Variants in ADARB2 observed in about 807,000 individuals in gnomAD.
ADARB2 encodes the protein inactive double-stranded RNA-specific editase B2.
A neutral mutation model predicts 62.2 loss-of-function variants in ADARB2; 25 were observed. The ratio of observed to expected loss-of-function variants is 0.40; its 90% confidence interval spans 0.29 to 0.56. The LOEUF is 0.56. Among genes scored for constraint, ADARB2 ranks in the 20% least tolerant of loss-of-function variants. The pLI is 0.43. For synonymous variants in ADARB2, 572 were observed against 500.8 expected, an observed-to-expected ratio of 1.14 and a Z score of -1.90; for missense variants, 1,071 against 1,077.4, an observed-to-expected ratio of 0.99 and a Z score of 0.08.
intron 1 of ADARB2, among the ~76,000 whole-genome samples, chr10:1,489,420 C>T (rs983078779): frequency 5.9e-5 from 9 of 152,194 alleles, no homozygotes; most frequent in African/African-American, 2.2e-4. Context: ...CTACCCAAGT[C>T]GTCTGGTCAC....
intron 1 of ADARB2, among the ~76,000 whole-genome samples, chr10:1,516,145 T>C (rs1301684905): frequency 6.6e-6 from 1 of 152,212 alleles, no homozygotes; most frequent in African/African-American, 2.4e-5. Flanking sequence ...ACCGGGGTGC[T>C]CTGACCCTCT....
At chr10:1,527,214 A>G (rs1336965007) in intron 1 of ADARB2, among the ~76,000 whole-genome samples, 2 of 152,160 alleles carry the variant, frequency 1.3e-5, no homozygotes, top group African/African-American at 4.8e-5. Flanking sequence ...CTCACTTCCA[A>G]TTCCTTGTGG....
chr10:1,706,769 G>C (rs908952880), intron 1 of ADARB2, among the ~76,000 whole-genome samples: 2 of 152,168 alleles, frequency 1.3e-5, no homozygotes, highest in Non-Finnish European at 2.9e-5. Flanking sequence ...AACACACATT[G>C]ACGTGCTAAT....
intron 1 of ADARB2, among the ~76,000 whole-genome samples, chr10:1,498,388 A>AAATAAATAAATC (rs1309398024): frequency 6.6e-6 from 1 of 151,166 alleles, no homozygotes; most frequent in Non-Finnish European, 1.5e-5. Context: ...ATAAATAAAT[A>AAATAAATAAATC]AATAAATAAA....
chr10:1,533,086 C>A (rs1370161888), intron 1 of ADARB2, among the ~76,000 whole-genome samples: 1 of 151,072 alleles, frequency 6.6e-6, no homozygotes, highest in Non-Finnish European at 1.5e-5. Flanking sequence ...GAGTAACGAG[C>A]CAGCTGATTA....
intron 1 of ADARB2, among the ~76,000 whole-genome samples, chr10:1,716,891 C>A (rs1407719643): frequency 6.6e-6 from 1 of 152,114 alleles, no homozygotes; most frequent in Non-Finnish European, 1.5e-5. Context: ...TTACATATAC[C>A]TTGAATAACA....
At chr10:1,654,905 A>C (rs1024579164) in intron 1 of ADARB2, among the ~76,000 whole-genome samples, 1 of 152,202 alleles carries the variant, frequency 6.6e-6, no homozygotes, top group African/African-American at 2.4e-5. Context: ...CCTGTGATGA[A>C]ATGCTCAGTT....
intron 8 of ADARB2, among the ~76,000 whole-genome samples, chr10:1,198,633 C>T (rs966340538): frequency 2.6e-5 from 4 of 152,236 alleles, no homozygotes; most frequent in South Asian, 4.1e-4. Context: ...TGGCAGGTGC[C>T]ACCTGGGATC....
intron 7 of ADARB2, among the ~76,000 whole-genome samples, chr10:1,208,741 T>G (rs1027205095): frequency 2.0e-5 from 3 of 152,230 alleles, no homozygotes; most frequent in African/African-American, 7.2e-5. Flanking sequence ...TCGTGTTTGC[T>G]GAGCCCCTGA....
rs531884360 is a variant in ADARB2, at chr10:1,529,599, T to G, written c.101-150439A>C. On this transcript the variant is annotated intron_variant, in intron 1 of 9. Transcript: ENST00000381312. The stretch of plus-strand genomic sequence containing the variant: ...ATAGTTTTCCCCTCACCGACACCCT[T>G]ATCACCAGATTCTAAACATTTTCAA... Among the ~76,000 whole-genome samples the G allele has an allele frequency of 1.4e-4, 21 of 152,308 alleles. 1 individual carries two copies. In the South Asian group the frequency reaches 4.1e-3, roughly 30 times the overall value.
chr10:1,232,740 A>T (rs1217652004), intron 6 of ADARB2, among the ~76,000 whole-genome samples: 13 of 150,960 alleles, frequency 8.6e-5, no homozygotes, highest in South Asian at 6.3e-4. Context: ...ATGTGACATG[A>T]GTAGTGTATG....
chr10:1,493,582 T>C lies in ADARB2; in HGVS notation c.101-114422A>G, dbSNP rs140011134. On this transcript the variant is annotated intron_variant, in intron 1 of 9. Transcript: ENST00000381312. Reference sequence around the variant, plus strand: ...CTCCGAACCTATTTCCTCAATTAATTAATTCTTTCCTTAATTTACCAAGTG... The same window carrying C: ...CTCCGAACCTATTTCCTCAATTAATCAATTCTTTCCTTAATTTACCAAGTG... Among the ~76,000 whole-genome samples the C allele has an allele frequency of 3.6e-3, 555 of 152,282 alleles. 3 individuals are homozygous for C. Among genetic ancestry groups the C allele is most frequent in the Non-Finnish European group, 5.2e-3 (355 of 68,018 alleles).
At chr10:1,262,547 C>G (rs1174341216) in intron 4 of ADARB2, among the ~76,000 whole-genome samples, 1 of 140,236 alleles carries the variant, frequency 7.1e-6, no homozygotes, top group African/African-American at 2.5e-5. Flanking sequence ...CTCATCATCA[C>G]TGGCTATCAG....
chr10:1,642,649 T>G (rs1053654179), intron 1 of ADARB2, among the ~76,000 whole-genome samples: 2 of 152,124 alleles, frequency 1.3e-5, no homozygotes, highest in African/African-American at 4.8e-5. Flanking sequence ...ACCACAGGGC[T>G]TTCAAAATAG....
intron 1 of ADARB2, among the ~76,000 whole-genome samples, chr10:1,458,374 A>AG (rs11464636): frequency 0.67 from 101,655 of 151,972 alleles, 34,752 homozygotes; most frequent in Non-Finnish European, 0.75. Flanking sequence ...GGGGTCTCAC[A>AG]GCTTCTCTTT....
chr10:1,515,800 C>T (rs1832001643), intron 1 of ADARB2, among the ~76,000 whole-genome samples: 1 of 152,224 alleles, frequency 6.6e-6, no homozygotes. Flanking sequence ...CCGGCTGGCA[C>T]CTGCAGCAAT....
At chr10:1,634,635 T>A (rs1451985102) in intron 1 of ADARB2, among the ~76,000 whole-genome samples, 1 of 152,214 alleles carries the variant, frequency 6.6e-6, no homozygotes, top group Non-Finnish European at 1.5e-5. Context: ...ACTGAATTCA[T>A]GTTTATTATA....
At chr10:1,321,794 G>T (rs116847603) in intron 3 of ADARB2, among the ~76,000 whole-genome samples, 1 of 152,204 alleles carries the variant, frequency 6.6e-6, no homozygotes, top group Non-Finnish European at 1.5e-5. Context: ...GCATGGGTTG[G>T]TAAGCCCTGT....
intron 3 of ADARB2, among the ~76,000 whole-genome samples, chr10:1,349,622 C>A (rs1173968146): frequency 6.6e-6 from 1 of 152,186 alleles, no homozygotes; most frequent in African/African-American, 2.4e-5. Context: ...ATCCCTCAAC[C>A]TCTTTCTCCT....
Sources: gnomAD v4.1 joint callset for allele counts (sites outside exome capture counted in the v4.1 genomes callset) on GRCh38, gnomAD v4.1.1 for gene constraint, MANE v1.5 for transcripts, NCBI Gene and HGNC (gene_info 2026-07-23, HGNC 2026-07-21) for gene names.